RAB27A: variants seen among roughly 807,000 people sequenced by gnomAD.
RAB27A encodes the protein RAB27A, member RAS oncogene family.
Under a neutral mutation model 20.8 loss-of-function variants are expected in RAB27A, and 17 were observed. The ratio of observed to expected loss-of-function variants is 0.82; its 90% confidence interval spans 0.56 to 1.23. The LOEUF (loss-of-function observed/expected upper bound fraction) is 1.23, where lower values mean the gene tolerates loss of function less well. Among genes scored for constraint, RAB27A ranks in the 50% most tolerant of loss-of-function variants. The pLI, the probability that RAB27A is intolerant of heterozygous loss-of-function variation, is 0.00. For missense variants in RAB27A, 277 were observed against 266.7 expected, an observed-to-expected ratio of 1.04 and a Z score of -0.27; for synonymous variants, 85 against 92.8, an observed-to-expected ratio of 0.92 and a Z score of 0.48.
intron 2 of RAB27A, among the ~76,000 whole-genome samples, chr15:55,248,679 T>G (rs941975860): frequency 6.6e-6 from 1 of 152,204 alleles, no homozygotes; most frequent in Non-Finnish European, 1.5e-5. Flanking sequence ...ATAAATATGT[T>G]TATTATATGC....
intron 6 of RAB27A, chr15:55,206,432 C>T (rs1313793975): frequency 5.8e-6 from 1 of 173,214 alleles, no homozygotes; most frequent in African/African-American, 2.4e-5. Flanking sequence ...TCCCAGGCGA[C>T]TTCCCAGGCA....
chr15:55,251,258 T>G (rs1407165498), intron 2 of RAB27A, among the ~76,000 whole-genome samples: 1 of 152,180 alleles, frequency 6.6e-6, no homozygotes, highest in Non-Finnish European at 1.5e-5. Context: ...TGGTGAGAAC[T>G]GCAAGAGGAG....
intron 2 of RAB27A, among the ~76,000 whole-genome samples, chr15:55,265,561 A>T (rs1339840737): frequency 6.6e-6 from 1 of 152,138 alleles, no homozygotes; most frequent in African/African-American, 2.4e-5. Context: ...CTATAAGCAA[A>T]TAATTCTTGA....
At chr15:55,310,063 CAGGT>C (rs1401370096) in intron 2 of RAB27A, among the ~76,000 whole-genome samples, 1 of 152,058 alleles carries the variant, frequency 6.6e-6, no homozygotes. Context: ...CTCCTATGTT[CAGGT>C]GTATAATGGC....
chr15:55,228,712 C>A lies in RAB27A; in HGVS notation c.240G>T (p.Arg80Ser). ...LQLWDTAGQE[R>S]FRSLTTAFFR... ...AGAACGCTGTCGTTAAGCTACGAAACCTAGGAACATAAAAGCAGAATGGTC... is the reference window on the plus strand; with the variant it reads ...AGAACGCTGTCGTTAAGCTACGAAAACTAGGAACATAAAAGCAGAATGGTC... The change falls in exon 5 of 7, where the codon AGG becomes AGT. Residue 80 changes from arginine to serine, a missense_variant and splice_region_variant. By Grantham distance (110) the Arg-to-Ser change is moderately radical. Transcript: ENST00000336787. 2 of 1,607,582 alleles carry A rather than the reference C, an allele frequency of 1.2e-6. No homozygotes were observed. Among genetic ancestry groups the A allele is most frequent in the Non-Finnish European group, 1.7e-6 (2 of 1,174,096 alleles).
chr15:55,252,158 T>C (rs1389028711), intron 2 of RAB27A, among the ~76,000 whole-genome samples: 2 of 151,990 alleles, frequency 1.3e-5, no homozygotes, highest in East Asian at 1.9e-4. Context: ...AGAGGACATC[T>C]GGGCAGACAA....
chr15:55,209,831 T>TACACAC (rs1566896017), intron 6 of RAB27A, among the ~76,000 whole-genome samples: 3 of 86,832 alleles, frequency 3.5e-5, no homozygotes, highest in African/African-American at 1.4e-4. Flanking sequence ...TATATATACA[T>TACACAC]ATATGTGTGT....
intron 1 of RAB27A, among the ~76,000 whole-genome samples, chr15:55,280,215 T>C (rs560833539): frequency 1.3e-5 from 2 of 152,272 alleles, no homozygotes; most frequent in East Asian, 1.9e-4. Flanking sequence ...AATCTTACTA[T>C]GTTGTTTGAA....
intron 2 of RAB27A, among the ~76,000 whole-genome samples, chr15:55,248,453 G>A (rs1049569302): frequency 6.6e-6 from 1 of 152,132 alleles, no homozygotes; most frequent in African/African-American, 2.4e-5. Context: ...ACTTCAAGGT[G>A]TTCAACCCTC....
chr15:55,301,923 G>C (rs1190061467), intron 2 of RAB27A, among the ~76,000 whole-genome samples: 1 of 151,976 alleles, frequency 6.6e-6, no homozygotes, highest in Non-Finnish European at 1.5e-5. Flanking sequence ...TGGGATTATA[G>C]ACATGAGCCA....
intron 6 of RAB27A, among the ~76,000 whole-genome samples, chr15:55,214,203 A>C (rs564806799): frequency 6.6e-6 from 1 of 152,158 alleles, no homozygotes; most frequent in Non-Finnish European, 1.5e-5. Context: ...TTGGGAGGCC[A>C]AGGCGGGCGG....
intron 2 of RAB27A, among the ~76,000 whole-genome samples, chr15:55,241,046 A>C (rs1896459582): frequency 6.6e-6 from 1 of 152,236 alleles, no homozygotes; most frequent in Non-Finnish European, 1.5e-5. Flanking sequence ...AGTTCTATGT[A>C]AGTATTAGCT....
At chr15:55,274,820 A>ATATATATATATATATATATG (rs1555399471) in intron 1 of RAB27A, among the ~76,000 whole-genome samples, 1 of 138,654 alleles carries the variant, frequency 7.2e-6, no homozygotes, top group African/African-American at 2.6e-5. Context: ...ATATATATAT[A>ATATATATATATATATATATG]TATATGTATA....
chr15:55,307,068 G>A (rs1288877304), intron 2 of RAB27A, among the ~76,000 whole-genome samples: 1 of 152,000 alleles, frequency 6.6e-6, no homozygotes, highest in African/African-American at 2.4e-5. Flanking sequence ...ACCGCAGTTG[G>A]GATAGATAAA....
chr15:55,229,266 T>C (rs1035012455), intron 4 of RAB27A, among the ~76,000 whole-genome samples: 4 of 151,360 alleles, frequency 2.6e-5, no homozygotes, highest in African/African-American at 9.7e-5. Context: ...TCTTTGCCTA[T>C]ATGTAAAACC....
At chr15:55,253,942 G>A (rs1896989948) in intron 2 of RAB27A, among the ~76,000 whole-genome samples, 1 of 152,132 alleles carries the variant, frequency 6.6e-6, no homozygotes, top group African/African-American at 2.4e-5. Flanking sequence ...TAATAAGTAA[G>A]TCTTCAGAAA....
chr15:55,274,790 T>TA (rs1369196816), intron 1 of RAB27A, among the ~76,000 whole-genome samples: 15 of 13,376 alleles, frequency 1.1e-3, no homozygotes, highest in South Asian at 2.8e-3. Context: ...AAAAAATAAA[T>TA]AAATTATATA....
intron 2 of RAB27A, among the ~76,000 whole-genome samples, chr15:55,253,211 G>A (rs1382821383): frequency 6.6e-6 from 1 of 151,262 alleles, no homozygotes; most frequent in African/African-American, 2.4e-5. Flanking sequence ...ACTTTGGAAA[G>A]CCAAGGCTGA....
chr15:55,264,335 T>C (rs116790251), intron 2 of RAB27A, among the ~76,000 whole-genome samples: 2,278 of 152,320 alleles, frequency 0.015, 50 homozygotes, highest in African/African-American at 0.051. Flanking sequence ...ACTTTGGGTG[T>C]GAGCCACTGT....
Sources: gnomAD v4.1 joint callset for allele counts (sites outside exome capture counted in the v4.1 genomes callset) on GRCh38, gnomAD v4.1.1 for gene constraint, MANE v1.5 for transcripts, NCBI Gene and HGNC (gene_info 2026-07-23, HGNC 2026-07-21) for gene names.